ZBTB25: variants seen among roughly 807,000 people sequenced by gnomAD.
ZBTB25 encodes zinc finger and BTB domain containing 25, also known as zinc finger and BTB domain-containing protein 25.
ZBTB25 carries 20 observed loss-of-function variants against 34.2 expected under a neutral mutation model. The observed-to-expected ratio is 0.58, with a 90% CI of 0.41 to 0.85. The LOEUF (loss-of-function observed/expected upper bound fraction) is 0.85, where lower values mean the gene tolerates loss of function less well. Ranked by LOEUF, ZBTB25 falls within the 40% of genes least tolerant of loss-of-function variation. The probability of loss-of-function intolerance (pLI) is 0.00; values close to 1 mark genes in which losing one functional copy is unlikely to be tolerated. For synonymous variants in ZBTB25, 175 were observed against 186.4 expected (o/e 0.94, Z 0.50); for missense variants, 437 against 521.8 (o/e 0.84, Z 1.58).
At position 64,478,589 on chromosome 14, in the gene ZBTB25, T is replaced by C. The variant is rs778583299; in HGVS notation, c.*8334A>G. The C allele has an allele frequency of 2.0e-5, 3 of 152,214 alleles. No individual in the cohort carries two copies. Among genetic ancestry groups the C allele is most frequent in the Non-Finnish European group, 4.4e-5 (3 of 68,022 alleles). 9.4% of individuals were successfully genotyped at this position (152,214 alleles called of 1,614,324 possible). ...CCAAATTCCAAGGCCTCACAGTTAA[T>C]GGCTTGGAAAAATCTTCAGAAATGC... On this transcript the variant is annotated 3_prime_UTR_variant, in exon 3 of 3. Transcript: ENST00000608382.
chr14:64,485,128 A>C lies in ZBTB25; in HGVS notation c.*1795T>G. 1 of 985,422 alleles carries C rather than the reference A, an allele frequency of 1.0e-6. No individual in the cohort carries two copies. The highest frequency in any genetic ancestry group is 1.2e-6 in the Non-Finnish European group (1 of 829,934). 61.0% of individuals were successfully genotyped at this position (985,422 alleles called of 1,614,324 possible). On this transcript the variant is annotated 3_prime_UTR_variant, in exon 3 of 3. Coordinates refer to ENST00000608382, the MANE Select transcript of ZBTB25 (RefSeq NM_006977.5). ...ATTCAATCCTCAAGAAAAACTTACC[A>C]CTTTGTAATTTACCTAAACTGTTTA...
At chr14:64,488,151 C>T in intron 2 of ZBTB25, 94 bp from the exon 3 acceptor site, 1 of 1,491,166 alleles carries the variant, frequency 6.7e-7, no homozygotes, top group Non-Finnish European at 8.9e-7. Flanking sequence ...CAATTTCTTC[C>T]TAAGAAGTTC....
intron 1 of ZBTB25, among the ~76,000 whole-genome samples, chr14:64,500,475 A>AAAAAAAAG (rs35009526): frequency 5.2e-4 from 37 of 70,578 alleles, no homozygotes; most frequent in East Asian, 3.0e-3. Flanking sequence ...AAAAAAAAAA[A>AAAAAAAAG]AGAGAGAGAG....
chr14:64,497,219 TAGG>T (rs1307764360), intron 1 of ZBTB25, among the ~76,000 whole-genome samples: 2 of 152,058 alleles, frequency 1.3e-5, no homozygotes, highest in African/African-American at 2.4e-5. Flanking sequence ...TTTTGCATAA[TAGG>T]AGATCTTTGA....
At chr14:64,501,029 T>C (rs1294317743) in intron 1 of ZBTB25, among the ~76,000 whole-genome samples, 1 of 152,114 alleles carries the variant, frequency 6.6e-6, no homozygotes, top group Non-Finnish European at 1.5e-5. Flanking sequence ...CCAGCCTGGG[T>C]GACAGAGGTA....
chr14:64,455,483 G>C (rs1027297754), intron 2 of ZBTB25, among the ~76,000 whole-genome samples: 3 of 152,206 alleles, frequency 2.0e-5, no homozygotes, highest in Non-Finnish European at 4.4e-5. Context: ...TTGGGAAGCA[G>C]AGGGGAGGGA....
chr14:64,459,735 T>TG (rs1306634068), intron 2 of ZBTB25: 13 of 1,522,318 alleles, frequency 8.5e-6, no homozygotes, highest in Admixed American at 8.0e-5. Context: ...AGAGAAAACA[T>TG]TTATTTCTTG....
At chr14:64,472,007 A>G (rs2078677663) in intron 2 of ZBTB25, 1 of 166,482 alleles carries the variant, frequency 6.0e-6, no homozygotes, top group East Asian at 1.9e-4. Context: ...AGATTTTCCT[A>G]CCTTCATGCT....
At position 64,487,997 on chromosome 14, in the gene ZBTB25, G is replaced by A. The variant is rs775650457; in HGVS notation, c.234C>T (p.His78=). 5.0e-6 allele frequency: 8 copies of A among 1,613,978 alleles called. No homozygotes were observed. In the African/African-American group the frequency reaches 9.3e-5, roughly 19 times the overall value. Residue 78 remains histidine, a synonymous_variant, in exon 3 of 3, where the codon CAC becomes CAT. Coordinates refer to ENST00000608382, the MANE Select transcript of ZBTB25 (RefSeq NM_006977.5). ...TTGGCCCTTTCCCCGTGTACATAAT[G>A]TGCAACAAATAGCTGAATATGTCAG... ...IQPDIFSYLL[H]IMYTGKGPKQ...
chr14:64,500,040 C>T (rs567409732), intron 1 of ZBTB25, among the ~76,000 whole-genome samples: 2 of 152,128 alleles, frequency 1.3e-5, no homozygotes, highest in African/African-American at 4.8e-5. Flanking sequence ...ATACTAACAA[C>T]AGTAAGCACA....
At chr14:64,496,344 GCAC>G in intron 1 of ZBTB25, among the ~76,000 whole-genome samples, 1 of 152,024 alleles carries the variant, frequency 6.6e-6, no homozygotes, top group East Asian at 1.9e-4. Context: ...AAAAAGCTGG[GCAC>G]AGTGGCGTGT....
Position 64,481,848 on chromosome 14 carries a change from A to G in ZBTB25, c.*5075T>C, listed in dbSNP as rs1332438987. 1 of 152,246 alleles carries G rather than the reference A, an allele frequency of 6.6e-6. No individual in the cohort carries two copies. The highest frequency in any genetic ancestry group is 1.5e-5 in the Non-Finnish European group (1 of 68,048). The allele number at this position is 152,246 out of a possible 1,614,324, so 9.4% of individuals were successfully genotyped here. ...ACTCTTAAGAAATCAAAAATTAATAATTTAAGTGCCACAAATCTATATGTA... is the reference window on the plus strand; with the variant it reads ...ACTCTTAAGAAATCAAAAATTAATAGTTTAAGTGCCACAAATCTATATGTA... On this transcript the variant is annotated 3_prime_UTR_variant, in exon 3 of 3. Transcript: ENST00000608382.
intron 1 of ZBTB25, among the ~76,000 whole-genome samples, chr14:64,496,492 A>G (rs2079281544): frequency 6.6e-6 from 1 of 151,958 alleles, no homozygotes; most frequent in Admixed American, 6.6e-5. Flanking sequence ...CTCCATCTCA[A>G]AAAAAAAGTA....
At chr14:64,473,055 A>G (rs2078691111), downstream of ZBTB25, 1 of 167,058 alleles carries the variant, frequency 6.0e-6, no homozygotes, top group Admixed American at 6.5e-5. Flanking sequence ...CTTTTTCAGC[A>G]TATTATCATT....
intron 1 of ZBTB25, among the ~76,000 whole-genome samples, chr14:64,498,558 G>A (rs1211937169): frequency 6.6e-6 from 1 of 152,162 alleles, no homozygotes; most frequent in Non-Finnish European, 1.5e-5. Flanking sequence ...CGATCCGCCT[G>A]CCTTGGCCTC....
intron 1 of ZBTB25, among the ~76,000 whole-genome samples, chr14:64,496,971 A>T (rs537661447): frequency 6.6e-6 from 1 of 152,332 alleles, no homozygotes; most frequent in South Asian, 2.1e-4. Context: ...GGCAGGAAAC[A>T]TACCTGAAGT....
intron 2 of ZBTB25, among the ~76,000 whole-genome samples, chr14:64,458,968 C>T (rs1439431684): frequency 6.6e-6 from 1 of 152,146 alleles, no homozygotes; most frequent in African/African-American, 2.4e-5. Context: ...ACATGAAAAT[C>T]CTAACATCTT....
In ZBTB25 at chr14:64,485,499, T is replaced by C; in HGVS notation, c.*1424A>G. 5.1e-6 allele frequency: 5 copies of C among 985,428 alleles called. No individual in the cohort carries two copies. The African/African-American group carries it at 5.2e-5, about 10-fold the overall frequency. 61.0% of individuals were successfully genotyped at this position (985,428 alleles called of 1,614,324 possible). On this transcript the variant is annotated 3_prime_UTR_variant, in exon 3 of 3. Transcript: ENST00000608382. ...CCCAGGTATATAGAGCCGGGGAATC[T>C]GTTATTTCTTTCATCAACTTTAATT...
At chr14:64,464,633 C>T (rs1340093702) in intron 2 of ZBTB25, among the ~76,000 whole-genome samples, 24 of 152,170 alleles carry the variant, frequency 1.6e-4, no homozygotes, top group Non-Finnish European at 8.8e-5. Context: ...TTACCAGGTT[C>T]TTCATCTGGA....
Sources: gnomAD v4.1 joint callset for allele counts (sites outside exome capture counted in the v4.1 genomes callset) on GRCh38, gnomAD v4.1.1 for gene constraint, MANE v1.5 for transcripts, NCBI Gene and HGNC (gene_info 2026-07-23, HGNC 2026-07-21) for gene names.